The following MACROD2 variants were observed in gnomAD, a reference collection of about 807,000 sequenced individuals.
MACROD2 encodes mono-ADP ribosylhydrolase 2, also known as ADP-ribose glycohydrolase MACROD2.
In MACROD2, 36 loss-of-function variants were observed where a neutral mutation model predicts 70.4. The observed-to-expected ratio is 0.51, with a 90% confidence interval of 0.39 to 0.68. MACROD2 has a LOEUF of 0.68. Among genes scored for constraint, MACROD2 ranks in the 30% least tolerant of loss-of-function variants. The pLI is 0.00. For synonymous variants in MACROD2, 172 were observed against 178.8 expected (o/e 0.96, Z 0.30); for missense variants, 496 against 538.4 (o/e 0.92, Z 0.78).
chr20:15,175,904 G>A (rs2076457676), intron 5 of MACROD2, among the ~76,000 whole-genome samples: 2 of 152,192 alleles, frequency 1.3e-5, no homozygotes, highest in African/African-American at 2.4e-5. Flanking sequence ...TGCAACAGCA[G>A]CTGCCCGACT....
At chr20:14,473,389 G>A (rs185927722) in intron 3 of MACROD2, among the ~76,000 whole-genome samples, 3 of 152,174 alleles carry the variant, frequency 2.0e-5, no homozygotes, top group Non-Finnish European at 4.4e-5. Context: ...TCACATATAC[G>A]TGAGGTCATG....
rs183012752 is a variant in MACROD2 at position 15,018,674 on chromosome 20, C to T, written c.419-211266C>T. ...TGTGTATATCCTAAAGGGCTAGGCC[C>T]GTCTCTCCTTTTCACGTTTTTCTGC... is the stretch of plus-strand genomic sequence containing the variant. On this transcript the variant is annotated intron_variant, in intron 5 of 17. Coordinates refer to ENST00000684519, the MANE Select transcript of MACROD2 (RefSeq NM_001351661.2). 2.0e-4 allele frequency among the ~76,000 whole-genome samples: 31 copies of T among 152,136 alleles called. 1 individual carries two copies. The East Asian group carries it at 4.1e-3, about 20-fold the overall frequency.
At chr20:14,004,409 A>G (rs910662315) in intron 2 of MACROD2, among the ~76,000 whole-genome samples, 3 of 152,216 alleles carry the variant, frequency 2.0e-5, no homozygotes, top group Non-Finnish European at 4.4e-5. Context: ...TCCATGGGGA[A>G]CAAGGTGATG....
chr20:15,616,257 C>T (rs1036161699), intron 8 of MACROD2, among the ~76,000 whole-genome samples: 2 of 151,922 alleles, frequency 1.3e-5, no homozygotes, highest in Non-Finnish European at 2.9e-5. Flanking sequence ...GTGTATGCCA[C>T]GACACCCAGC....
intron 3 of MACROD2, among the ~76,000 whole-genome samples, chr20:14,408,133 G>C (rs2083711290): frequency 6.6e-6 from 1 of 152,150 alleles, no homozygotes; most frequent in Non-Finnish European, 1.5e-5. Flanking sequence ...TTGGATAAGA[G>C]TTAATACACT....
chr20:14,753,076 A>C (rs2123739612), intron 5 of MACROD2, among the ~76,000 whole-genome samples: 1 of 152,218 alleles, frequency 6.6e-6, no homozygotes, highest in East Asian at 1.9e-4. Flanking sequence ...AGACACGTGC[A>C]CATCCTCCCT....
intron 5 of MACROD2, among the ~76,000 whole-genome samples, chr20:15,178,504 T>G (rs772931927): frequency 1.3e-5 from 2 of 152,230 alleles, no homozygotes; most frequent in Non-Finnish European, 2.9e-5. Context: ...CACCTATGCA[T>G]GCATATAACC....
chr20:14,166,699 G>A (rs892302196), intron 3 of MACROD2, among the ~76,000 whole-genome samples: 2 of 151,952 alleles, frequency 1.3e-5, no homozygotes, highest in African/African-American at 4.8e-5. Context: ...CCCACTCTCT[G>A]TATCTCCCTC....
intron 8 of MACROD2, among the ~76,000 whole-genome samples, chr20:15,798,330 C>G (rs917565216): frequency 1.3e-5 from 2 of 152,170 alleles, no homozygotes; most frequent in Non-Finnish European, 2.9e-5. Context: ...ATTCACATGT[C>G]TGGCACCTCA....
chr20:15,778,945 A>G (rs112255047), intron 8 of MACROD2, among the ~76,000 whole-genome samples: 9 of 152,262 alleles, frequency 5.9e-5, no homozygotes, highest in Non-Finnish European at 1.2e-4. Context: ...TGAGAATTCT[A>G]TGCAATCTAA....
At chr20:15,494,825 A>C (rs1042949879) in intron 7 of MACROD2, among the ~76,000 whole-genome samples, 2 of 152,012 alleles carry the variant, frequency 1.3e-5, no homozygotes, top group African/African-American at 2.4e-5. Context: ...TTTCAATACA[A>C]AAGTAAATAA....
chr20:14,024,004 T>C (rs1458034645), intron 2 of MACROD2, among the ~76,000 whole-genome samples: 2 of 152,226 alleles, frequency 1.3e-5, no homozygotes, highest in Non-Finnish European at 1.5e-5. Context: ...ATGGCCATTT[T>C]CACGATACTG....
At chr20:14,331,679 T>C (rs2082844104) in intron 3 of MACROD2, among the ~76,000 whole-genome samples, 1 of 152,122 alleles carries the variant, frequency 6.6e-6, no homozygotes, top group African/African-American at 2.4e-5. Context: ...CCCATTTATG[T>C]TTGAAACTAT....
intron 5 of MACROD2, among the ~76,000 whole-genome samples, chr20:15,214,957 T>C (rs1003947801): frequency 3.3e-5 from 5 of 152,160 alleles, no homozygotes; most frequent in African/African-American, 1.2e-4. Flanking sequence ...CATATAAATC[T>C]AATGTTTAGG....
rs555388993 is a variant in MACROD2 at position 14,968,214 on chromosome 20, T to A, written c.419-261726T>A. Among the ~76,000 whole-genome samples the A allele has an allele frequency of 1.1e-4, 17 of 152,298 alleles. No homozygotes were observed. The South Asian group carries it at 1.2e-3, about 11-fold the overall frequency. Reference sequence around the variant, plus strand: ...AAATTTCTCTTCAAAAGCATTTTTTTAAATCTCTTTTTAACACCTTGACCC... The same window carrying A: ...AAATTTCTCTTCAAAAGCATTTTTTAAAATCTCTTTTTAACACCTTGACCC... On this transcript the variant is annotated intron_variant, in intron 5 of 17. Coordinates refer to ENST00000684519, the MANE Select transcript of MACROD2 (RefSeq NM_001351661.2).
chr20:14,747,195 GAACTTTCC>G (rs2071810459), intron 5 of MACROD2, among the ~76,000 whole-genome samples: 1 of 152,152 alleles, frequency 6.6e-6, no homozygotes, highest in Non-Finnish European at 1.5e-5. Context: ...GTAGGAGTGA[GAACTTTCC>G]TGTCTTCATT....
At chr20:15,975,967 G>T (rs946441506) in intron 13 of MACROD2, among the ~76,000 whole-genome samples, 1 of 152,036 alleles carries the variant, frequency 6.6e-6, no homozygotes, top group Non-Finnish European at 1.5e-5. Context: ...TTTTATAAAA[G>T]TACAGTTTTG....
chr20:15,481,169 A>G (rs979511482), intron 7 of MACROD2, among the ~76,000 whole-genome samples: 2 of 152,176 alleles, frequency 1.3e-5, no homozygotes, highest in Admixed American at 1.3e-4. Context: ...GCTATTCAAA[A>G]CTTTATTTGT....
intron 4 of MACROD2, among the ~76,000 whole-genome samples, chr20:14,598,455 T>G (rs1049998688): frequency 1.1e-4 from 16 of 152,166 alleles, no homozygotes; most frequent in African/African-American, 3.9e-4. Context: ...CAGTCTATGA[T>G]TTTTAAAAAT....
Sources: allele counts gnomAD v4.1 joint callset (sites outside exome capture counted in the v4.1 genomes callset), GRCh38; gene constraint gnomAD v4.1.1; transcripts MANE v1.5; gene names NCBI Gene and HGNC (gene_info 2026-07-23, HGNC 2026-07-21).